DLC1: variants seen among roughly 807,000 people sequenced by gnomAD.
The protein encoded by DLC1 is DLC1 Rho GTPase activating protein.
A neutral mutation model predicts 140.3 loss-of-function variants in DLC1; 54 were observed. The observed-to-expected ratio is 0.38, with a 90% CI of 0.31 to 0.48. The LOEUF is 0.48. Ranked by LOEUF, DLC1 falls within the 20% of genes least tolerant of loss-of-function variation. The pLI is 0.96. For synonymous variants in DLC1, 986 were observed against 728.1 expected, an observed-to-expected ratio of 1.35 and a Z score of -5.70; for missense variants, 2,536 against 1,907.0, an observed-to-expected ratio of 1.33 and a Z score of -6.14.
intron 5 of DLC1, among the ~76,000 whole-genome samples, chr8:13,264,052 TTTTATTTA>T (rs3065458): frequency 7.0e-5 from 10 of 143,094 alleles, no homozygotes; most frequent in African/African-American, 1.8e-4. Flanking sequence ...ATAAGAAGCT[TTTTATTTA>T]TTTATTTATT....
intron 4 of DLC1, among the ~76,000 whole-genome samples, chr8:13,375,512 C>T (rs961338262): frequency 1.3e-5 from 2 of 152,092 alleles, no homozygotes; most frequent in African/African-American, 2.4e-5. Context: ...CTTTCTCCTG[C>T]CTGAATGCCC....
intron 1 of DLC1, chr8:13,567,116 G>C (rs920170626): frequency 6.4e-7 from 1 of 1,551,738 alleles, no homozygotes; most frequent in Non-Finnish European, 8.7e-7. Flanking sequence ...AGCTCCTCTG[G>C]AGGACGGCAG....
chr8:13,306,529 C>T (rs1448861928), intron 4 of DLC1, among the ~76,000 whole-genome samples: 2 of 150,840 alleles, frequency 1.3e-5, no homozygotes, highest in African/African-American at 4.9e-5. Flanking sequence ...GAAAAGCACA[C>T]TCAAATGGGT....
intron 5 of DLC1, among the ~76,000 whole-genome samples, chr8:13,263,877 T>A (rs1203024999): frequency 1.3e-5 from 2 of 151,724 alleles, no homozygotes; most frequent in Non-Finnish European, 2.9e-5. Flanking sequence ...TTAGATGAGT[T>A]ACTCTACCAC....
At chr8:13,562,540 A>G (rs1042094860) in intron 1 of DLC1, among the ~76,000 whole-genome samples, 1 of 152,210 alleles carries the variant, frequency 6.6e-6, no homozygotes, top group Non-Finnish European at 1.5e-5. Flanking sequence ...TATCCTTTAG[A>G]TTGGCAAGAA....
intron 4 of DLC1, among the ~76,000 whole-genome samples, chr8:13,352,133 C>G (rs1294505183): frequency 6.6e-6 from 1 of 152,132 alleles, no homozygotes; most frequent in African/African-American, 2.4e-5. Context: ...CAACTGTTTA[C>G]AAGACACTGT....
intron 4 of DLC1, among the ~76,000 whole-genome samples, chr8:13,337,004 A>T (rs1488087644): frequency 6.6e-6 from 1 of 152,198 alleles, no homozygotes; most frequent in Non-Finnish European, 1.5e-5. Context: ...AAACAAAATC[A>T]ATTGTTTCTG....
intron 4 of DLC1, among the ~76,000 whole-genome samples, chr8:13,314,520 A>G (rs573800835): frequency 1.3e-5 from 2 of 152,154 alleles, no homozygotes; most frequent in East Asian, 3.9e-4. Flanking sequence ...GCATTTACTC[A>G]TATCCATCTT....
chr8:13,258,533 A>T (rs1416675667), intron 5 of DLC1, among the ~76,000 whole-genome samples: 1 of 152,200 alleles, frequency 6.6e-6, no homozygotes, highest in Non-Finnish European at 1.5e-5. Context: ...ATTGGGGGGA[A>T]TTAAGCTCAC....
chr8:13,136,111 A>C (rs1822544263), intron 5 of DLC1, among the ~76,000 whole-genome samples: 1 of 152,258 alleles, frequency 6.6e-6, no homozygotes. Context: ...TGCTACGCTT[A>C]AGAGAATGGT....
chr8:13,381,870 A>T (rs193268598), intron 4 of DLC1, among the ~76,000 whole-genome samples: 1 of 152,284 alleles, frequency 6.6e-6, no homozygotes, highest in East Asian at 1.9e-4. Context: ...AGGGCACCAT[A>T]ACAAAAAAAC....
intron 2 of DLC1, among the ~76,000 whole-genome samples, chr8:13,469,180 A>T (rs1436216026): frequency 6.6e-6 from 1 of 152,032 alleles, no homozygotes; most frequent in Non-Finnish European, 1.5e-5. Flanking sequence ...TCTTCATTTT[A>T]ATTGAGTTTA....
chr8:13,545,230 C>A (rs1314938383), intron 1 of DLC1, among the ~76,000 whole-genome samples: 2 of 151,500 alleles, frequency 1.3e-5, no homozygotes, highest in African/African-American at 4.8e-5. Context: ...ACATGGATAT[C>A]CTGCTCAAAT....
chr8:13,530,357 T>A, intron 1 of DLC1, among the ~76,000 whole-genome samples: 1 of 152,216 alleles, frequency 6.6e-6, no homozygotes, highest in East Asian at 1.9e-4. Context: ...GCTGAGTTTT[T>A]AAAAATTCCT....
At chr8:13,410,494 G>C (rs748693870) in intron 2 of DLC1, among the ~76,000 whole-genome samples, 5 of 151,814 alleles carry the variant, frequency 3.3e-5, no homozygotes, top group Non-Finnish European at 7.4e-5. Flanking sequence ...ACAAATCAAA[G>C]AATTTGGCTT....
At chr8:13,136,888 CA>C (rs1822600105) in intron 5 of DLC1, among the ~76,000 whole-genome samples, 1 of 152,116 alleles carries the variant, frequency 6.6e-6, no homozygotes, top group South Asian at 2.1e-4. Context: ...TTTAGCTTCT[CA>C]AAACTTCAGT....
At chr8:13,418,102 T>G (rs905848537) in intron 2 of DLC1, among the ~76,000 whole-genome samples, 7 of 152,202 alleles carry the variant, frequency 4.6e-5, no homozygotes, top group African/African-American at 1.7e-4. Flanking sequence ...TCATTGTAGA[T>G]TCTGGATATT....
chr8:13,518,997 CT>C (rs1040722645), upstream of DLC1, among the ~76,000 whole-genome samples: 4 of 151,728 alleles, frequency 2.6e-5, no homozygotes, highest in African/African-American at 7.3e-5. Context: ...TTATTATTTA[CT>C]TTTTTTATTA....
intron 2 of DLC1, among the ~76,000 whole-genome samples, chr8:13,443,060 T>A (rs1300158021): frequency 2.6e-5 from 4 of 151,980 alleles, no homozygotes; most frequent in African/African-American, 9.7e-5. Flanking sequence ...TGTAGGGACA[T>A]GGATGAAGCT....
Sources: allele counts gnomAD v4.1 joint callset (sites outside exome capture counted in the v4.1 genomes callset), GRCh38; gene constraint gnomAD v4.1.1; transcripts MANE v1.5; gene names NCBI Gene and HGNC (gene_info 2026-07-23, HGNC 2026-07-21).